The following SERGEF variants were observed in gnomAD, a reference collection of about 807,000 sequenced individuals.
SERGEF encodes the protein secretion-regulating guanine nucleotide exchange factor.
Under a neutral mutation model 50.0 loss-of-function variants are expected in SERGEF, and 51 were observed. The ratio of observed to expected loss-of-function variants is 1.02; its 90% CI spans 0.81 to 1.29. The LOEUF is 1.29. Ranked by LOEUF, SERGEF falls within the 50% of genes most tolerant of loss-of-function variation. The pLI is 0.00. For synonymous variants in SERGEF, 205 were observed against 212.4 expected, an observed-to-expected ratio of 0.97 and a Z score of 0.30; for missense variants, 521 against 557.0, an observed-to-expected ratio of 0.94 and a Z score of 0.65.
chr11:17,824,162 G>C (rs4757592), intron 10 of SERGEF, among the ~76,000 whole-genome samples: 1 of 151,918 alleles, frequency 6.6e-6, no homozygotes, highest in Non-Finnish European at 1.5e-5. Flanking sequence ...TTAGCCGGGC[G>C]TGGTGGCGGG....
chr11:17,999,158 G>C (rs1853906858), intron 5 of SERGEF, among the ~76,000 whole-genome samples: 1 of 152,196 alleles, frequency 6.6e-6, no homozygotes, highest in Admixed American at 6.5e-5. Flanking sequence ...CATAGAGATG[G>C]AGAACAGAAG....
chr11:17,947,131 C>T (rs146848291), intron 9 of SERGEF, among the ~76,000 whole-genome samples: 141 of 152,290 alleles, frequency 9.3e-4, no homozygotes, highest in African/African-American at 3.2e-3. Context: ...TTAAGATTTC[C>T]GTTCAATTCA....
At chr11:17,848,789 A>G (rs1850662046) in intron 10 of SERGEF, among the ~76,000 whole-genome samples, 1 of 152,222 alleles carries the variant, frequency 6.6e-6, no homozygotes, top group African/African-American at 2.4e-5. Context: ...ATGCTAGGAT[A>G]TGAATTAATA....
chr11:17,860,418 T>C (rs921888814), intron 10 of SERGEF, among the ~76,000 whole-genome samples: 14 of 152,212 alleles, frequency 9.2e-5, no homozygotes, highest in Admixed American at 5.9e-4. Context: ...TGGTATAAGA[T>C]AATTAAATTT....
chr11:17,827,143 C>T (rs1307975046), intron 10 of SERGEF, among the ~76,000 whole-genome samples: 2 of 152,230 alleles, frequency 1.3e-5, no homozygotes, highest in Admixed American at 1.3e-4. Context: ...TTCTTGAAGG[C>T]TCCCTGTACT....
chr11:17,887,539 T>C (rs1323889080), intron 9 of SERGEF, among the ~76,000 whole-genome samples: 1 of 152,194 alleles, frequency 6.6e-6, no homozygotes, highest in Non-Finnish European at 1.5e-5. Context: ...GTAGCCATGA[T>C]AGGTTAAAAT....
At chr11:17,922,014 C>A (rs1465818987) in intron 9 of SERGEF, among the ~76,000 whole-genome samples, 2 of 152,126 alleles carry the variant, frequency 1.3e-5, no homozygotes, top group African/African-American at 4.8e-5. Context: ...CAAGCCCCAG[C>A]CACCACCAAG....
intron 8 of SERGEF, among the ~76,000 whole-genome samples, chr11:17,982,602 G>A (rs1853515797): frequency 6.6e-6 from 1 of 152,200 alleles, no homozygotes; most frequent in Non-Finnish European, 1.5e-5. Context: ...AGAAGATGGA[G>A]TAATGTATAC....
chr11:17,849,623 GAAT>G (rs1317722859), intron 10 of SERGEF, among the ~76,000 whole-genome samples: 2 of 152,134 alleles, frequency 1.3e-5, no homozygotes, highest in Non-Finnish European at 2.9e-5. Flanking sequence ...CCAGGAGACA[GAAT>G]AATAATAGCT....
chr11:17,970,588 T>C (rs1853226437), intron 8 of SERGEF, among the ~76,000 whole-genome samples: 2 of 152,200 alleles, frequency 1.3e-5, no homozygotes, highest in South Asian at 2.1e-4. Context: ...AAAGCCAAGA[T>C]AGGCTAAAAA....
intron 4 of SERGEF, chr11:18,001,800 C>T (rs1460520268): frequency 4.2e-6 from 1 of 235,660 alleles, no homozygotes; most frequent in African/African-American, 2.3e-5. Context: ...TCTAAATATG[C>T]TCTAGTTGTT....
At chr11:17,843,461 T>TGTAGTTTAA (rs1850544429) in intron 10 of SERGEF, among the ~76,000 whole-genome samples, 3 of 152,350 alleles carry the variant, frequency 2.0e-5, no homozygotes, top group Admixed American at 1.3e-4. Flanking sequence ...TCAAGGAAAC[T>TGTAGTTTAA]GTAGTTTAAA....
At chr11:17,798,576 A>G (rs1249420638) in intron 10 of SERGEF, among the ~76,000 whole-genome samples, 1 of 152,224 alleles carries the variant, frequency 6.6e-6, no homozygotes, top group Non-Finnish European at 1.5e-5. Context: ...GTGGGTGACT[A>G]TTCTTAGATC....
intron 10 of SERGEF, among the ~76,000 whole-genome samples, chr11:17,801,012 G>C (rs188486210): frequency 2.0e-5 from 3 of 151,948 alleles, no homozygotes; most frequent in Non-Finnish European, 2.9e-5. Context: ...TGGCTAACAC[G>C]GTGAAAGCCT....
chr11:18,007,350 C>T (rs968929926), intron 2 of SERGEF, among the ~76,000 whole-genome samples: 1 of 152,212 alleles, frequency 6.6e-6, no homozygotes, highest in Admixed American at 6.5e-5. Context: ...TGGTTCTCTT[C>T]ACCCACCATT....
intron 9 of SERGEF, among the ~76,000 whole-genome samples, chr11:17,893,174 C>T (rs1851562198): frequency 6.6e-6 from 1 of 152,132 alleles, no homozygotes; most frequent in African/African-American, 2.4e-5. Context: ...TGTACAGAAC[C>T]TTATTTGATC....
chr11:17,806,667 C>T (rs1849761799), intron 10 of SERGEF, among the ~76,000 whole-genome samples: 1 of 152,162 alleles, frequency 6.6e-6, no homozygotes, highest in African/African-American at 2.4e-5. Flanking sequence ...CGAGAAATAT[C>T]ACAAACAACT....
In SERGEF at chr11:17,991,408, A is replaced by C. The variant is rs531944198; in HGVS notation, c.685+1523T>G. The stretch of plus-strand genomic sequence containing the variant: ...TACATACCATCAGTCATTTCAAATT[A>C]ATTAGAACAAAACAGAAACACCTCG... On this transcript the variant is annotated intron_variant, in intron 7 of 10. Transcript: ENST00000265965. The surrounding 1 kb of genome is among the most constrained non-coding windows in gnomAD (Gnocchi z 4.9). Among the ~76,000 whole-genome samples, 1 of 152,320 alleles carries C rather than the reference A, an allele frequency of 6.6e-6. No individual in the cohort carries two copies. The highest frequency in any genetic ancestry group is 6.5e-5 in the Admixed American group (1 of 15,304).
intron 10 of SERGEF, among the ~76,000 whole-genome samples, chr11:17,872,472 C>A (rs1234608613): frequency 1.3e-5 from 2 of 152,120 alleles, no homozygotes; most frequent in Admixed American, 1.3e-4. Context: ...TGGCAAAAAT[C>A]CAAGAGTTTC....
Sources: allele counts gnomAD v4.1 joint callset (sites outside exome capture counted in the v4.1 genomes callset), GRCh38; gene constraint gnomAD v4.1.1; non-coding constraint Gnocchi (gnomAD v3.1); transcripts MANE v1.5; gene names NCBI Gene and HGNC (gene_info 2026-07-23, HGNC 2026-07-21).